The following RNF180 variants were observed in gnomAD, a reference collection of about 807,000 sequenced individuals.
RNF180 encodes the protein ring finger protein 180.
RNF180 carries 38 observed loss-of-function variants against 59.2 expected under a neutral mutation model. The observed-to-expected ratio is 0.64, with a 90% CI of 0.50 to 0.84. The LOEUF (loss-of-function observed/expected upper bound fraction) is 0.84. Among genes scored for constraint, RNF180 ranks in the 40% least tolerant of loss-of-function variants. RNF180 has a pLI of 0.00. For synonymous variants in RNF180, 262 were observed against 240.3 expected (o/e 1.09, Z -0.84); for missense variants, 705 against 700.9 (o/e 1.01, Z -0.07).
chr5:64,312,620 G>A (rs149207055), intron 5 of RNF180, among the ~76,000 whole-genome samples: 2 of 152,178 alleles, frequency 1.3e-5, no homozygotes, highest in Admixed American at 6.6e-5. Context: ...TTCAGCATCA[G>A]TAAGGCAACA....
chr5:64,256,718 G>GT (rs940273606), intron 5 of RNF180, among the ~76,000 whole-genome samples: 98 of 152,288 alleles, frequency 6.4e-4, no homozygotes, highest in African/African-American at 2.0e-3. Flanking sequence ...ATTTAAAGTA[G>GT]TTTTTTCCAA....
intron 5 of RNF180, among the ~76,000 whole-genome samples, chr5:64,231,141 A>G (rs1420844746): frequency 2.6e-5 from 4 of 152,230 alleles, no homozygotes; most frequent in South Asian, 4.1e-4. Flanking sequence ...TAAAGATAAT[A>G]TTGACCTACC....
At chr5:64,243,464 G>A (rs180946485) in intron 5 of RNF180, among the ~76,000 whole-genome samples, 3 of 152,260 alleles carry the variant, frequency 2.0e-5, no homozygotes, top group East Asian at 3.9e-4. Flanking sequence ...AAACAAAGAC[G>A]CCTGGAAGTT....
chr5:64,318,935 G>A (rs748717627), intron 5 of RNF180, among the ~76,000 whole-genome samples: 4 of 152,064 alleles, frequency 2.6e-5, no homozygotes, highest in South Asian at 2.1e-4. Context: ...ATGACATTAC[G>A]CATTTGACAA....
At chr5:64,300,759 T>C (rs1743122095) in intron 5 of RNF180, among the ~76,000 whole-genome samples, 1 of 151,812 alleles carries the variant, frequency 6.6e-6, no homozygotes, top group Admixed American at 6.6e-5. Flanking sequence ...AAGGGAGAGA[T>C]GCTTTAAGGC....
Position 64,325,374 on chromosome 5 carries a change from G to T in RNF180, c.1416G>T (p.Leu472Phe). 1 of 1,551,594 alleles carries T rather than the reference G, an allele frequency of 6.4e-7. No individual in the cohort carries two copies. The highest frequency in any genetic ancestry group is 8.7e-7 in the Non-Finnish European group (1 of 1,146,890). ...ATCCTTCAAGCACTCCATGCCCATT[G>T]TGTCGGACAATTATTTCTAGAGTCT... Reference protein sequence around the residue: ...KDNPSSTPCPLCRTIISRVFF... With the variant: ...KDNPSSTPCPFCRTIISRVFF... The change falls in exon 6 of 8, where the codon TTG becomes TTT. Residue 472 changes from leucine to phenylalanine, a missense_variant. Coordinates refer to ENST00000389100, the MANE Select transcript of RNF180 (RefSeq NM_001113561.2).
At chr5:64,241,867 C>CA (rs1349635324) in intron 5 of RNF180, among the ~76,000 whole-genome samples, 1 of 152,142 alleles carries the variant, frequency 6.6e-6, no homozygotes, top group African/African-American at 2.4e-5. Context: ...GAAGTGAGCA[C>CA]AAGACTTTGC....
chr5:64,366,855 A>G (rs1746469194), intron 7 of RNF180, among the ~76,000 whole-genome samples: 1 of 151,586 alleles, frequency 6.6e-6, no homozygotes, highest in Non-Finnish European at 1.5e-5. Flanking sequence ...CTAGAAATTT[A>G]TTTACATATC....
At chr5:64,193,422 A>G (rs1031271551) in intron 1 of RNF180, among the ~76,000 whole-genome samples, 1 of 152,158 alleles carries the variant, frequency 6.6e-6, no homozygotes, top group Non-Finnish European at 1.5e-5. Context: ...TATATTAAAT[A>G]TATGCAATTT....
At chr5:64,171,658 T>C (rs1749943097) in intron 1 of RNF180, among the ~76,000 whole-genome samples, 1 of 152,234 alleles carries the variant, frequency 6.6e-6, no homozygotes, top group Non-Finnish European at 1.5e-5. Context: ...TTTTTGATCA[T>C]TTGATCTATC....
intron 7 of RNF180, among the ~76,000 whole-genome samples, chr5:64,338,267 T>G (rs537538970): frequency 6.6e-6 from 1 of 152,208 alleles, no homozygotes. Context: ...CTCTTTGCAC[T>G]TACCAGACTT....
At chr5:64,339,397 A>G (rs182422773) in intron 7 of RNF180, among the ~76,000 whole-genome samples, 1 of 150,724 alleles carries the variant, frequency 6.6e-6, no homozygotes, top group African/African-American at 2.5e-5. Flanking sequence ...TTTATTCTTC[A>G]TTTCTAATTA....
chr5:64,338,512 G>A (rs181918183), intron 7 of RNF180, among the ~76,000 whole-genome samples: 1 of 151,924 alleles, frequency 6.6e-6, no homozygotes, highest in Non-Finnish European at 1.5e-5. Context: ...GCGGGTGCCT[G>A]TAGTCCCAGC....
intron 6 of RNF180, among the ~76,000 whole-genome samples, chr5:64,328,649 C>T (rs1226975691): frequency 1.3e-5 from 2 of 152,176 alleles, no homozygotes; most frequent in African/African-American, 4.8e-5. Flanking sequence ...TAGATAACTT[C>T]AGTTGCCTAG....
intron 5 of RNF180, among the ~76,000 whole-genome samples, chr5:64,250,817 A>G (rs540589725): frequency 2.0e-4 from 31 of 152,312 alleles, no homozygotes; most frequent in Admixed American, 4.6e-4. Context: ...AACTGATTCA[A>G]GAAATTGAAG....
At chr5:64,192,167 C>G (rs905706096) in intron 1 of RNF180, among the ~76,000 whole-genome samples, 3 of 151,424 alleles carry the variant, frequency 2.0e-5, no homozygotes, top group Non-Finnish European at 2.9e-5. Context: ...CTTGAATAGA[C>G]ATTTTTGCTA....
intron 6 of RNF180, among the ~76,000 whole-genome samples, chr5:64,327,904 C>T (rs950459276): frequency 2.0e-5 from 3 of 152,184 alleles, no homozygotes; most frequent in Non-Finnish European, 2.9e-5. Flanking sequence ...CTATCTCTCT[C>T]TCTTTAGATC....
chr5:64,266,189 C>T (rs1018138049), intron 5 of RNF180, among the ~76,000 whole-genome samples: 2 of 152,130 alleles, frequency 1.3e-5, no homozygotes, highest in African/African-American at 4.8e-5. Context: ...GACTTCCTCT[C>T]TTCCTATGTG....
chr5:64,351,171 A>G (rs1481031657), intron 7 of RNF180, among the ~76,000 whole-genome samples: 3 of 152,050 alleles, frequency 2.0e-5, no homozygotes, highest in South Asian at 2.1e-4. Flanking sequence ...CTTTGAAGCA[A>G]TTGTGAATGG....
Sources: allele counts gnomAD v4.1 joint callset (sites outside exome capture counted in the v4.1 genomes callset), GRCh38; gene constraint gnomAD v4.1.1; transcripts MANE v1.5; gene names NCBI Gene and HGNC (gene_info 2026-07-23, HGNC 2026-07-21).